ST3GAL6: variants seen among roughly 807,000 people sequenced by gnomAD.
ST3GAL6 encodes type 2 lactosamine alpha-2,3-sialyltransferase.
In ST3GAL6, 31 loss-of-function variants were observed where a neutral mutation model predicts 40.5. That is an observed-to-expected ratio of 0.77 (90% CI 0.58 to 1.03). The LOEUF (loss-of-function observed/expected upper bound fraction) is 1.03, where lower values mean the gene tolerates loss of function less well. Ranked by LOEUF, ST3GAL6 falls within the 50% of genes least tolerant of loss-of-function variation. The pLI, the probability that ST3GAL6 is intolerant of heterozygous loss-of-function variation, is 0.00. For missense variants in ST3GAL6, 357 were observed against 393.2 expected (o/e 0.91, Z 0.78); for synonymous variants, 129 against 136.9 (o/e 0.94, Z 0.40).
At chr3:98,784,243 T>G (rs927152330) in intron 5 of ST3GAL6, among the ~76,000 whole-genome samples, 5 of 152,220 alleles carry the variant, frequency 3.3e-5, no homozygotes, top group African/African-American at 1.2e-4. Context: ...GGGTAAGAGC[T>G]GGGAGAGAGA....
rs1940549083 is a variant in ST3GAL6, at chr3:98,784,970, GTTGGT to G, written c.362_366del (p.Val121GlufsTer8). On this transcript the variant is annotated frameshift_variant, in exon 6 of 10. Coordinates refer to ENST00000483910, the MANE Select transcript of ST3GAL6 (RefSeq NM_001323368.2). LOFTEE classifies it high-confidence loss of function. ...CATACCCTGTAAAAAGTGTGTGGTG[GTTGGT>G]AATGGAGGAGTTTTGAAGAATAAGA... 6.3e-7 allele frequency: 1 copy of G among 1,590,910 alleles called. No individual in the cohort carries two copies. Among genetic ancestry groups the G allele is most frequent in the African/African-American group, 1.4e-5 (1 of 74,006 alleles).
chr3:98,766,405 CTTTTTTTTTTTTT>C lies in ST3GAL6; in HGVS notation c.-11-2005_-11-1993del, dbSNP rs369996406. Reference sequence around the variant, plus strand: ...GTTGGATCTTTGCATAAATGTCATTCTTTTTTTTTTTTTTTTTTTTTTTTTTTTTTTTGGGAAA... The same window carrying C: ...GTTGGATCTTTGCATAAATGTCATTCTTTTTTTTTTTTTTTTTTTGGGAAA... On this transcript the variant is annotated intron_variant, in intron 1 of 9. Coordinates refer to ENST00000483910, the MANE Select transcript of ST3GAL6 (RefSeq NM_001323368.2). Among the ~76,000 whole-genome samples, 12 of 104,110 alleles carry C rather than the reference CTTTTTTTTTTTTT, an allele frequency of 1.2e-4. No homozygotes were observed. The East Asian group carries it at 2.4e-3, about 21-fold the overall frequency. The allele number at this position is 104,110 out of a possible 152,430, so 68.3% of individuals were successfully genotyped here.
intron 5 of ST3GAL6, chr3:98,782,119 G>T (rs1940189010): frequency 3.1e-6 from 2 of 648,916 alleles, no homozygotes; most frequent in Non-Finnish European, 5.5e-6. Context: ...ACAGCAGAGA[G>T]CCTTTGATAA....
chr3:98,733,121 G>A, intron 1 of ST3GAL6: 1 of 1,308,654 alleles, frequency 7.6e-7, no homozygotes, highest in Non-Finnish European at 9.8e-7. Context: ...CTCAGGGTTG[G>A]GGGTGGGGAC....
chr3:98,792,021 C>T lies in ST3GAL6; in HGVS notation c.909+28C>T, dbSNP rs535787574. The T allele has an allele frequency of 2.6e-6, 4 of 1,559,136 alleles. No homozygotes were observed. The South Asian group carries it at 4.9e-5, about 19-fold the overall frequency. On this transcript the variant is annotated intron_variant, in intron 9 of 9. Coordinates refer to ENST00000483910, the MANE Select transcript of ST3GAL6 (RefSeq NM_001323368.2). ...AATATACTGTACTTTAGGTAATATA[C>T]ATATGCTTTGGACTAATCTTTGAGG...
chr3:98,735,317 C>G (rs761415457), intron 1 of ST3GAL6, among the ~76,000 whole-genome samples: 13 of 152,206 alleles, frequency 8.5e-5, no homozygotes, highest in Non-Finnish European at 1.0e-4. Context: ...GCATATCTTT[C>G]TCCTTTGCCT....
In ST3GAL6 at chr3:98,785,028, A is replaced by T; in HGVS notation, c.419A>T (p.Asp140Val). 6.3e-7 allele frequency: 1 copy of T among 1,597,306 alleles called. No homozygotes were observed. The highest frequency in any genetic ancestry group is 8.6e-7 in the Non-Finnish European group (1 of 1,165,180). Residue 140 changes from aspartate to valine, a missense_variant, in exon 6 of 10, where the codon GAT (aspartate) becomes GTT (valine). Asp to Val is a radical substitution (Grantham distance 152). Transcript: ENST00000483910. ...KTLGEKIDSY[D>V]VIIRMNNGPV... ...TTAGGAGAAAAAATCGACTCCTATGATGTAATAATAAGGTAAATATATTTT... is the reference window on the plus strand; with the variant it reads ...TTAGGAGAAAAAATCGACTCCTATGTTGTAATAATAAGGTAAATATATTTT...
At chr3:98,766,202 C>T (rs114744430) in intron 1 of ST3GAL6, among the ~76,000 whole-genome samples, 1,932 of 152,194 alleles carry the variant, frequency 0.013, 34 homozygotes, top group African/African-American at 0.043. Context: ...ACACAAGTCT[C>T]GCTTACCCAT....
chr3:98,763,559 C>T (rs868405519), intron 1 of ST3GAL6, 120 bp downstream of exon 1: 1 of 916,064 alleles, frequency 1.1e-6, no homozygotes. Flanking sequence ...GGATGTGCTT[C>T]TCTTATTTGC....
At chr3:98,765,643 G>T (rs917533252) in intron 1 of ST3GAL6, among the ~76,000 whole-genome samples, 4 of 152,162 alleles carry the variant, frequency 2.6e-5, no homozygotes, top group Non-Finnish European at 5.9e-5. Flanking sequence ...CTCTGCCAGT[G>T]AGTCCTTCTT....
chr3:98,748,696 C>T (rs1026507463), intron 1 of ST3GAL6, among the ~76,000 whole-genome samples: 1 of 152,144 alleles, frequency 6.6e-6, no homozygotes, highest in African/African-American at 2.4e-5. Context: ...GAACTCCTGA[C>T]CTCAGGTGAT....
chr3:98,737,920 C>A (rs771921712), intron 1 of ST3GAL6, among the ~76,000 whole-genome samples: 6 of 152,176 alleles, frequency 3.9e-5, no homozygotes, highest in Non-Finnish European at 5.9e-5. Context: ...TCTGTGCCCC[C>A]ACCCAAATCT....
intron 1 of ST3GAL6, among the ~76,000 whole-genome samples, chr3:98,741,083 T>TGTGTGA (rs374127164): frequency 0.013 from 1,951 of 150,342 alleles, 31 homozygotes; most frequent in African/African-American, 0.037. Flanking sequence ...TGTGTGTGTG[T>TGTGTGA]GCATGCATGT....
At chr3:98,744,805 A>G (rs947291671) in intron 1 of ST3GAL6, among the ~76,000 whole-genome samples, 7 of 152,180 alleles carry the variant, frequency 4.6e-5, no homozygotes, top group Admixed American at 3.3e-4. Flanking sequence ...TGATTTTCCA[A>G]ATAGTGTGGC....
intron 1 of ST3GAL6, among the ~76,000 whole-genome samples, chr3:98,735,309 A>G (rs551831058): frequency 3.3e-5 from 5 of 152,276 alleles, no homozygotes; most frequent in Admixed American, 3.3e-4. Context: ...TTTCCTGTGC[A>G]TATCTTTCTC....
At chr3:98,776,324 A>C (rs112311278) in intron 5 of ST3GAL6, among the ~76,000 whole-genome samples, 19 of 152,340 alleles carry the variant, frequency 1.2e-4, no homozygotes, top group Middle Eastern at 3.4e-3. Context: ...GAGTCAACTT[A>C]GTTCCTCAAG....
At chr3:98,785,570 C>G (rs116958999) in intron 6 of ST3GAL6, among the ~76,000 whole-genome samples, 1 of 152,042 alleles carries the variant, frequency 6.6e-6, no homozygotes, top group Non-Finnish European at 1.5e-5. Context: ...GCAAAGAAAC[C>G]CAGTGAAGCT....
At chr3:98,784,841 C>T (rs1041767638) in intron 5 of ST3GAL6, 104 bp from the exon 6 acceptor site, 5 of 848,082 alleles carry the variant, frequency 5.9e-6, no homozygotes, top group Non-Finnish European at 9.6e-6. Flanking sequence ...TCTACTTGCG[C>T]AACAAGTGGA....
chr3:98,794,899 T>TA lies in ST3GAL6; in HGVS notation c.*1144dup, dbSNP rs1941487260. On this transcript the variant is annotated 3_prime_UTR_variant, in exon 10 of 10. Coordinates refer to ENST00000483910, the MANE Select transcript of ST3GAL6 (RefSeq NM_001323368.2). Reference sequence around the variant, plus strand: ...TGGGTGACAGAGTGAGGCTGTCTTCTAAAAAATATAAAAAGTGAAGTTGGG... The same window carrying TA: ...TGGGTGACAGAGTGAGGCTGTCTTCTAAAAAAATATAAAAAGTGAAGTTGGG... 1 of 152,082 alleles carries TA rather than the reference T, an allele frequency of 6.6e-6. No homozygotes were observed. 9.4% of individuals were successfully genotyped at this position (152,082 alleles called of 1,614,324 possible).
Sources: allele counts gnomAD v4.1 joint callset (sites outside exome capture counted in the v4.1 genomes callset), GRCh38; gene constraint gnomAD v4.1.1; transcripts MANE v1.5; gene names NCBI Gene and HGNC (gene_info 2026-07-23, HGNC 2026-07-21).